GALK2: variants seen among roughly 807,000 people sequenced by gnomAD.
GALK2 encodes the protein galactokinase 2, also known as N-acetylgalactosamine kinase.
GALK2 carries 36 observed loss-of-function variants against 52.4 expected under a neutral mutation model. The observed-to-expected ratio is 0.69, with a 90% CI of 0.53 to 0.91. GALK2 has a LOEUF of 0.91. Ranked by LOEUF, GALK2 falls within the 40% of genes least tolerant of loss-of-function variation. The pLI is 0.00. For synonymous variants in GALK2, 176 were observed against 199.1 expected, an observed-to-expected ratio of 0.88 and a Z score of 0.98; for missense variants, 579 against 559.1, an observed-to-expected ratio of 1.04 and a Z score of -0.36.
At chr15:49,299,706 A>G (rs987622198) in intron 8 of GALK2, among the ~76,000 whole-genome samples, 3 of 85,382 alleles carry the variant, frequency 3.5e-5, no homozygotes, top group Non-Finnish European at 7.2e-5. Context: ...TCTTCTTGGT[A>G]TTGCTTTCTT....
At position 49,328,881 on chromosome 15, in the gene GALK2, C is replaced by G. The variant is rs2038019538; in HGVS notation, c.*722C>G. On this transcript the variant is annotated 3_prime_UTR_variant, in exon 10 of 10. Coordinates refer to ENST00000560031, the MANE Select transcript of GALK2 (RefSeq NM_002044.4). Reference sequence around the variant, plus strand: ...AATAACCACTTTCAATTCTTTTGGCCCTGAGCTATCTCCATTACTTAATAG... The same window carrying G: ...AATAACCACTTTCAATTCTTTTGGCGCTGAGCTATCTCCATTACTTAATAG... 2 of 1,316,826 alleles carry G rather than the reference C, an allele frequency of 1.5e-6. No individual in the cohort carries two copies. Among genetic ancestry groups the G allele is most frequent in the Non-Finnish European group, 1.9e-6 (2 of 1,029,904 alleles). 81.6% of individuals were successfully genotyped at this position (1,316,826 alleles called of 1,614,324 possible). A position where few individuals can be genotyped will look rare whatever the true frequency, so the allele number is the denominator to read the frequency against.
chr15:49,347,729 A>G (rs1244483734), intron 3 of GALK2, among the ~76,000 whole-genome samples: 1 of 152,166 alleles, frequency 6.6e-6, no homozygotes, highest in South Asian at 2.1e-4. Context: ...ATTAAAATGG[A>G]TAACATTGGC....
intron 2 of GALK2, among the ~76,000 whole-genome samples, chr15:49,214,334 T>G (rs905014820): frequency 2.1e-5 from 3 of 143,730 alleles, no homozygotes; most frequent in Non-Finnish European, 4.6e-5. Context: ...CTTTGTCACT[T>G]TTTTTTTTTT....
chr15:49,335,413 A>C (rs769228649), downstream of GALK2: 24 of 1,581,634 alleles, frequency 1.5e-5, no homozygotes, highest in Non-Finnish European at 2.1e-5. Context: ...TATAGCATCA[A>C]CTTACATCCT....
intron 5 of GALK2, among the ~76,000 whole-genome samples, chr15:49,271,453 G>T (rs543925814): frequency 1.3e-5 from 2 of 152,264 alleles, no homozygotes; most frequent in Admixed American, 1.3e-4. Context: ...TGCAGGGAAG[G>T]CTTTGGGGGC....
intron 8 of GALK2, among the ~76,000 whole-genome samples, chr15:49,309,583 G>A (rs2035820882): frequency 6.6e-6 from 1 of 151,772 alleles, no homozygotes; most frequent in Non-Finnish European, 1.5e-5. Context: ...CTTTGTGTTG[G>A]GAACATTCAG....
intron 5 of GALK2, among the ~76,000 whole-genome samples, chr15:49,260,402 T>G (rs2092043582): frequency 6.6e-6 from 1 of 150,620 alleles, no homozygotes; most frequent in Non-Finnish European, 1.5e-5. Flanking sequence ...CGCCCACTTT[T>G]TCATGGGGTT....
chr15:49,304,377 C>T (rs1596038325), intron 8 of GALK2, among the ~76,000 whole-genome samples: 2 of 152,206 alleles, frequency 1.3e-5, no homozygotes, highest in Admixed American at 6.5e-5. Flanking sequence ...ATTTCTTACT[C>T]ACTCTTTATA....
intron 5 of GALK2, among the ~76,000 whole-genome samples, chr15:49,244,259 A>T (rs903042391): frequency 3.3e-5 from 5 of 151,730 alleles, no homozygotes; most frequent in Admixed American, 1.3e-4. Context: ...TTTTTTTTTA[A>T]AATAATATTT....
chr15:49,248,228 A>G (rs1477172029), intron 5 of GALK2, among the ~76,000 whole-genome samples: 1 of 152,222 alleles, frequency 6.6e-6, no homozygotes, highest in African/African-American at 2.4e-5. Flanking sequence ...ATAAACTATG[A>G]TTTGAATGTT....
At chr15:49,160,589 G>T (rs1381852909) in intron 1 of GALK2, among the ~76,000 whole-genome samples, 1 of 152,110 alleles carries the variant, frequency 6.6e-6, no homozygotes, top group Non-Finnish European at 1.5e-5. Flanking sequence ...CCCAGGCCGG[G>T]TGCGGTGGCT....
chr15:49,270,612 C>T (rs1451125870), intron 5 of GALK2, among the ~76,000 whole-genome samples: 1 of 152,168 alleles, frequency 6.6e-6, no homozygotes, highest in Non-Finnish European at 1.5e-5. Flanking sequence ...CTCAGCATTT[C>T]CTGACCCTAA....
At position 49,327,981 on chromosome 15, in the gene GALK2, C is replaced by A; in HGVS notation, c.1199C>A (p.Thr400Asn). ...RKFGAQGSRL[T>N]GAGWGGCTVS... The stretch of plus-strand genomic sequence containing the variant: ...TTTGGGGCTCAAGGGTCACGACTTA[C>A]TGGAGCAGGATGGGGAGGCTGCACA... Residue 400 changes from threonine to asparagine, a missense_variant, in exon 10 of 10, where the codon ACT (threonine) becomes AAT (asparagine). Thr to Asn is a moderately conservative substitution (Grantham distance 65, BLOSUM62 0). Coordinates refer to ENST00000560031, the MANE Select transcript of GALK2 (RefSeq NM_002044.4). 6.2e-7 allele frequency: 1 copy of A among 1,613,636 alleles called. No homozygotes were observed. Among genetic ancestry groups the A allele is most frequent in the Non-Finnish European group, 8.5e-7 (1 of 1,179,656 alleles).
At chr15:49,178,993 T>C (rs989375536) in intron 1 of GALK2, among the ~76,000 whole-genome samples, 3 of 152,156 alleles carry the variant, frequency 2.0e-5, no homozygotes, top group African/African-American at 7.2e-5. Context: ...ATTCAACCTA[T>C]CTACTATTTT....
At chr15:49,340,418 C>A (rs1009470772) in intron 3 of GALK2, among the ~76,000 whole-genome samples, 2 of 143,732 alleles carry the variant, frequency 1.4e-5, no homozygotes, top group Admixed American at 6.9e-5. Context: ...CCCCCTCCCC[C>A]CCCCGCTTTG....
At chr15:49,252,170 G>A (rs766890966) in intron 5 of GALK2, among the ~76,000 whole-genome samples, 2 of 152,142 alleles carry the variant, frequency 1.3e-5, no homozygotes, top group Non-Finnish European at 2.9e-5. Context: ...GGAGGCTGAG[G>A]CAGGAGGATT....
In GALK2 at chr15:49,329,169, G is replaced by A. The variant is rs1257791665; in HGVS notation, c.*1010G>A. 2.4e-5 allele frequency: 24 copies of A among 986,826 alleles called. No individual in the cohort carries two copies. In the Middle Eastern group the frequency reaches 1.5e-3, roughly 64 times the overall value. 61.1% of individuals were successfully genotyped at this position (986,826 alleles called of 1,614,324 possible). A position where few individuals can be genotyped will look rare whatever the true frequency, so the allele number is the denominator to read the frequency against. On this transcript the variant is annotated 3_prime_UTR_variant, in exon 10 of 10. Coordinates refer to ENST00000560031, the MANE Select transcript of GALK2 (RefSeq NM_002044.4). ...TGTAAAGCAGGTATGCAGGTATGTG[G>A]GTGAAAGTGACTATGAAAAGACTTA... is the stretch of plus-strand genomic sequence containing the variant.
In GALK2 at chr15:49,329,055, T is replaced by C; in HGVS notation, c.*896T>C. 2.0e-6 allele frequency: 2 copies of C among 998,852 alleles called. No individual in the cohort carries two copies. The highest frequency in any genetic ancestry group is 2.4e-6 in the Non-Finnish European group (2 of 838,036). The allele number at this position is 998,852 out of a possible 1,614,324, so 61.9% of individuals were successfully genotyped here. On this transcript the variant is annotated 3_prime_UTR_variant, in exon 10 of 10. Coordinates refer to ENST00000560031, the MANE Select transcript of GALK2 (RefSeq NM_002044.4). ...TACTTTTTCTCAAATACCTCTCTAATCCAAGAGGCACTTCCAAGAAATTCC... is the reference window on the plus strand; with the variant it reads ...TACTTTTTCTCAAATACCTCTCTAACCCAAGAGGCACTTCCAAGAAATTCC...
chr15:49,243,138 T>G (rs553148487), intron 5 of GALK2, among the ~76,000 whole-genome samples: 3 of 152,150 alleles, frequency 2.0e-5, no homozygotes, highest in African/African-American at 7.2e-5. Context: ...TGGGTGGGGA[T>G]TTATCTGAAA....
Sources: gnomAD v4.1 joint callset for allele counts (sites outside exome capture counted in the v4.1 genomes callset) on GRCh38, gnomAD v4.1.1 for gene constraint, MANE v1.5 for transcripts, NCBI Gene and HGNC (gene_info 2026-07-23, HGNC 2026-07-21) for gene names.